The following ANXA6 variants were observed in gnomAD, a reference collection of about 807,000 sequenced individuals.
The protein encoded by ANXA6 is 67 kDa calelectrin.
ANXA6 carries 71 observed loss-of-function variants against 95.4 expected under a neutral mutation model. The observed-to-expected ratio is 0.74, with a 90% CI of 0.61 to 0.91. The LOEUF is 0.91. Among genes scored for constraint, ANXA6 ranks in the 40% least tolerant of loss-of-function variants. The probability of loss-of-function intolerance (pLI) is 0.00; values close to 1 mark genes in which losing one functional copy is unlikely to be tolerated. For missense variants in ANXA6, 830 were observed against 876.4 expected, an observed-to-expected ratio of 0.95 and a Z score of 0.67; for synonymous variants, 289 against 315.9, an observed-to-expected ratio of 0.91 and a Z score of 0.90.
chr5:151,109,964 C>CTT, intron 21 of ANXA6, 118 bp from the exon 22 acceptor site: 1 of 745,968 alleles, frequency 1.3e-6, no homozygotes, highest in Non-Finnish European at 2.3e-6. Context: ...GCTCACCCAG[C>CTT]CATCCAAGGG....
chr5:151,150,374 G>A (rs1766077984), intron 1 of ANXA6, among the ~76,000 whole-genome samples: 1 of 152,170 alleles, frequency 6.6e-6, no homozygotes, highest in South Asian at 2.1e-4. Flanking sequence ...TAGGGTTGTT[G>A]GAGGATAAGA....
At chr5:151,122,806 TCTGCCATGAAGACCCTGGTGCCCAA>T (rs1765206875) in intron 16 of ANXA6, 86 bp downstream of exon 16, 1 of 892,926 alleles carries the variant, frequency 1.1e-6, no homozygotes, top group African/African-American at 1.6e-5. Flanking sequence ...ACAGGGTCCC[TCTGCCATGAAGACCCTGGTGCCCAA>T]CTGTGCAGAA....
Position 151,122,143 on chromosome 5 carries a change from G to A in ANXA6, c.1347+4C>T, listed in dbSNP as rs369933967. The A allele has an allele frequency of 5.6e-5, 89 of 1,578,542 alleles. No individual in the cohort carries two copies. Among genetic ancestry groups the A allele is most frequent in the Non-Finnish European group, 7.2e-5 (84 of 1,165,048 alleles). ...ACACTAGACCCCCTGGTGCCACACT[G>A]TACCTCCATGGCCTTCTTCAACTGC... On this transcript the variant is annotated splice_donor_region_variant and intron_variant, in intron 17 of 25. Coordinates refer to ENST00000354546, the MANE Select transcript of ANXA6 (RefSeq NM_001155.5).
intron 1 of ANXA6, among the ~76,000 whole-genome samples, chr5:151,148,576 G>A (rs1766026687): frequency 6.6e-6 from 1 of 152,238 alleles, no homozygotes; most frequent in African/African-American, 2.4e-5. Context: ...CACTGTGCAT[G>A]CAGAAATATG....
intron 2 of ANXA6, 111 bp downstream of exon 2, chr5:151,147,773 T>C: frequency 1.6e-6 from 2 of 1,260,224 alleles, no homozygotes; most frequent in Admixed American, 2.2e-5. Flanking sequence ...CCTTTCCTCC[T>C]TTTTTCAAGC....
intron 22 of ANXA6, among the ~76,000 whole-genome samples, chr5:151,108,995 C>T (rs1052905423): frequency 3.3e-5 from 5 of 152,138 alleles, no homozygotes; most frequent in African/African-American, 9.7e-5. Context: ...TCAGGCATTG[C>T]GCCAGTGCTT....
intron 6 of ANXA6, among the ~76,000 whole-genome samples, chr5:151,136,740 T>C (rs766874905): frequency 3.4e-4 from 51 of 152,218 alleles, no homozygotes; most frequent in Non-Finnish European, 3.1e-4. Flanking sequence ...GCAGGCCCTG[T>C]GTGATCCTGC....
At position 151,139,478 on chromosome 5, in the gene ANXA6, C is replaced by G. The variant is rs774289947; in HGVS notation, c.110-31G>C. ...ATAGGGGAGAGCAATCATCATCCTA[C>G]CCACCCTGCCTCCAGGAAGCCCACC... On this transcript the variant is annotated intron_variant, in intron 3 of 25. Coordinates refer to ENST00000354546, the MANE Select transcript of ANXA6 (RefSeq NM_001155.5). 1.9e-6 allele frequency: 3 copies of G among 1,554,700 alleles called. No individual in the cohort carries two copies. In the South Asian group the frequency reaches 3.4e-5, roughly 17 times the overall value.
chr5:151,151,237 C>G (rs944070125), intron 1 of ANXA6: 2 of 152,218 alleles, frequency 1.3e-5, no homozygotes, highest in African/African-American at 4.8e-5. Flanking sequence ...ATAAACACAC[C>G]ATTTACCCTG....
intron 22 of ANXA6, among the ~76,000 whole-genome samples, chr5:151,109,026 T>C (rs1329642382): frequency 6.6e-6 from 1 of 152,206 alleles, no homozygotes; most frequent in Non-Finnish European, 1.5e-5. Context: ...ATGTTTTTTG[T>C]ATCTTCACAA....
At chr5:151,143,166 T>A (rs1765882664) in intron 2 of ANXA6, among the ~76,000 whole-genome samples, 1 of 151,998 alleles carries the variant, frequency 6.6e-6, no homozygotes, top group African/African-American at 2.4e-5. Context: ...ACACAGCAAG[T>A]CAGAGGCCCA....
At chr5:151,134,175 A>G (rs1169204292) in intron 8 of ANXA6, among the ~76,000 whole-genome samples, 1 of 152,236 alleles carries the variant, frequency 6.6e-6, no homozygotes, top group African/African-American at 2.4e-5. Flanking sequence ...AATAATATCT[A>G]AAAACTGAAT....
At chr5:151,122,099 T>C in intron 17 of ANXA6, 48 bp downstream of exon 17, 1 of 1,241,138 alleles carries the variant, frequency 8.1e-7, no homozygotes. Flanking sequence ...ATCACCTGTA[T>C]CCCTATTGGC....
At chr5:151,131,743 T>C (rs548200126) in intron 10 of ANXA6, among the ~76,000 whole-genome samples, 6 of 152,030 alleles carry the variant, frequency 3.9e-5, no homozygotes, top group Non-Finnish European at 8.8e-5. Context: ...GGAGGGACGA[T>C]AAAGGAGCTG....
Position 151,104,773 on chromosome 5 carries a change from T to C in ANXA6, c.1839+472A>G, listed in dbSNP as rs138113868. On this transcript the variant is annotated intron_variant, in intron 24 of 25. Coordinates refer to ENST00000354546, the MANE Select transcript of ANXA6 (RefSeq NM_001155.5). ...ACTCAGAGGGGAGCGCTTGTGACCT[T>C]TGATGACTATTTGTCCTAGGAGACC... 7.9e-4 allele frequency among the ~76,000 whole-genome samples: 121 copies of C among 152,306 alleles called. No individual in the cohort carries two copies. In the East Asian group the frequency reaches 0.022, roughly 28 times the overall value.
At chr5:151,117,051 G>A in intron 20 of ANXA6, 76 bp downstream of exon 20, 1 of 1,381,800 alleles carries the variant, frequency 7.2e-7, no homozygotes, top group Non-Finnish European at 9.8e-7. Context: ...ACAGGGCCCG[G>A]CGTAGACACG....
At position 151,121,101 on chromosome 5, in the gene ANXA6, T is replaced by G. The variant is rs1227838599; in HGVS notation, c.1347+1046A>C. ...CTCAATCTGCTTAGCCTAGGCAATG[T>G]TTTTATAAAGTCCTCTAGCTCCCCA... On this transcript the variant is annotated intron_variant, in intron 17 of 25. Transcript: ENST00000354546. Among the ~76,000 whole-genome samples the G allele has an allele frequency of 2.6e-5, 4 of 152,236 alleles. No individual in the cohort carries two copies. The East Asian group carries it at 7.7e-4, about 29-fold the overall frequency.
At position 151,147,937 on chromosome 5, in the gene ANXA6, G is replaced by C. The variant is rs1043998596; in HGVS notation, c.-25-11C>G. 2.5e-6 allele frequency: 4 copies of C among 1,599,924 alleles called. No homozygotes were observed. The African/African-American group carries it at 5.4e-5, about 21-fold the overall frequency. On this transcript the variant is annotated splice_polypyrimidine_tract_variant and intron_variant, in intron 1 of 25. Coordinates refer to ENST00000354546, the MANE Select transcript of ANXA6 (RefSeq NM_001155.5). ...TCGCAGCAGAATCCACTGTAGAGAA[G>C]AAAGACAGCATGTGAGATTCCCCCC...
chr5:151,118,670 G>A (rs1012534461), intron 18 of ANXA6, among the ~76,000 whole-genome samples: 7 of 152,074 alleles, frequency 4.6e-5, no homozygotes, highest in African/African-American at 9.7e-5. Context: ...CTGACCTCAA[G>A]GGATCCACCA....
Sources: allele counts gnomAD v4.1 joint callset (sites outside exome capture counted in the v4.1 genomes callset), GRCh38; gene constraint gnomAD v4.1.1; transcripts MANE v1.5; gene names NCBI Gene and HGNC (gene_info 2026-07-23, HGNC 2026-07-21).